PHF24: variants seen among roughly 807,000 people sequenced by gnomAD.
The protein encoded by PHF24 is Galpha inhibitory interacting protein.
In PHF24, 25 loss-of-function variants were observed where a neutral mutation model predicts 42.6. The ratio of observed to expected loss-of-function variants is 0.59; its 90% CI spans 0.43 to 0.82. The LOEUF is 0.82. PHF24 is among the 40% of genes least tolerant of loss of function. PHF24 has a pLI of 0.00. For missense variants in PHF24, 470 were observed against 538.1 expected, an observed-to-expected ratio of 0.87 and a Z score of 1.25; for synonymous variants, 185 against 204.8, an observed-to-expected ratio of 0.90 and a Z score of 0.83.
At chr9:34,845,739 TCCCTCCC>T in the PHF24 span, among the ~76,000 whole-genome samples, 1 of 105,278 alleles carries the variant, frequency 9.5e-6, no homozygotes, top group Non-Finnish European at 1.9e-5. Context: ...CCTAAAGCGA[TCCCTCCC>T]CCCTCCCCCC....
the PHF24 span, among the ~76,000 whole-genome samples, chr9:34,773,052 G>A: frequency 0.51 from 76,455 of 150,510 alleles, 21,708 homozygotes; most frequent in Non-Finnish European, 0.64. Context: ...GTGCAACGGC[G>A]CGATCTCGGC....
At chr9:34,713,471 G>C in the PHF24 span, among the ~76,000 whole-genome samples, 7 of 151,988 alleles carry the variant, frequency 4.6e-5, no homozygotes, top group African/African-American at 1.7e-4. Context: ...TCTTCTGAAA[G>C]ACCAGCAACC....
chr9:34,976,709 C>A, exon 5 of PHF24: 1 of 1,613,936 alleles, frequency 6.2e-7, no homozygotes, highest in Non-Finnish European at 8.5e-7. Flanking sequence ...TCCCATGAGT[C>A]CCTCCTGCTT....
At chr9:34,832,427 G>A in the PHF24 span, 48 of 1,350,942 alleles carry the variant, frequency 3.6e-5, no homozygotes, top group Non-Finnish European at 4.7e-5. Flanking sequence ...CTAGGGACTG[G>A]GGACCATCCA....
the PHF24 span, among the ~76,000 whole-genome samples, chr9:34,820,368 G>A: frequency 2.0e-5 from 3 of 151,784 alleles, no homozygotes; most frequent in African/African-American, 7.3e-5. Flanking sequence ...GTAGTTTTTC[G>A]ATCCTCACCC....
At chr9:34,845,490 C>A in the PHF24 span, among the ~76,000 whole-genome samples, 2 of 151,882 alleles carry the variant, frequency 1.3e-5, no homozygotes, top group Non-Finnish European at 2.9e-5. Context: ...TTTTGTGTAT[C>A]TAGTCTAGTT....
At chr9:34,742,261 T>C in the PHF24 span, among the ~76,000 whole-genome samples, 1 of 152,204 alleles carries the variant, frequency 6.6e-6, no homozygotes, top group Non-Finnish European at 1.5e-5. Flanking sequence ...GGAAAATAAG[T>C]AGATTAAAGT....
chr9:34,909,652 C>T, the PHF24 span, among the ~76,000 whole-genome samples: 12 of 150,072 alleles, frequency 8.0e-5, no homozygotes, highest in Admixed American at 1.3e-4. Context: ...GACGGAGTCT[C>T]GCTCTGTCGC....
chr9:34,897,590 A>G, the PHF24 span, among the ~76,000 whole-genome samples: 1 of 152,236 alleles, frequency 6.6e-6, no homozygotes, highest in Non-Finnish European at 1.5e-5. Context: ...TCATTAGCAC[A>G]AGGGTTTCTT....
At chr9:34,974,495 C>G (rs1290913070) in intron 3 of PHF24, among the ~76,000 whole-genome samples, 1 of 152,174 alleles carries the variant, frequency 6.6e-6, no homozygotes, top group African/African-American at 2.4e-5. Context: ...AACATTACCT[C>G]CCACATTCTG....
the PHF24 span, among the ~76,000 whole-genome samples, chr9:34,703,415 C>G: frequency 2.0e-5 from 3 of 152,144 alleles, no homozygotes; most frequent in Non-Finnish European, 4.4e-5. Context: ...GTGATCCACC[C>G]GCCTCGGCCT....
intron 1 of PHF24, among the ~76,000 whole-genome samples, chr9:34,970,178 T>G (rs1346848274): frequency 6.6e-6 from 1 of 152,204 alleles, no homozygotes; most frequent in Admixed American, 6.5e-5. Flanking sequence ...TGACTTCCAC[T>G]AAGTCTCCTC....
At chr9:34,784,914 A>T in the PHF24 span, among the ~76,000 whole-genome samples, 31 of 152,332 alleles carry the variant, frequency 2.0e-4, no homozygotes, top group African/African-American at 7.0e-4. Context: ...TAGCTAAAAT[A>T]TTTCAGCTGT....
chr9:34,690,526 C>G, the PHF24 span, among the ~76,000 whole-genome samples: 2 of 151,416 alleles, frequency 1.3e-5, no homozygotes, highest in African/African-American at 4.9e-5. Flanking sequence ...ACCAATATGG[C>G]TCTGGCTCTA....
chr9:34,709,299 G>T, the PHF24 span: 1 of 1,457,840 alleles, frequency 6.9e-7, no homozygotes, highest in Non-Finnish European at 9.4e-7. Flanking sequence ...CTGCTCCAGG[G>T]CCCCTGAGCA....
At chr9:34,802,594 A>G in the PHF24 span, among the ~76,000 whole-genome samples, 1 of 152,222 alleles carries the variant, frequency 6.6e-6, no homozygotes, top group Non-Finnish European at 1.5e-5. Context: ...GATATTTATA[A>G]ATCTGCAACC....
intron 6 of PHF24, 82 bp downstream of exon 6, chr9:34,977,325 C>A: frequency 6.8e-7 from 1 of 1,475,972 alleles, no homozygotes; most frequent in Non-Finnish European, 9.2e-7. Flanking sequence ...TACCTCCCTG[C>A]TCCCCCTGCC....
the PHF24 span, among the ~76,000 whole-genome samples, chr9:34,805,052 T>G: frequency 1.3e-5 from 2 of 152,268 alleles, no homozygotes; most frequent in Non-Finnish European, 2.9e-5. Context: ...TTCTTTTTAA[T>G]GGCTGAATAA....
chr9:34,831,762 T>C, the PHF24 span, among the ~76,000 whole-genome samples: 3 of 152,138 alleles, frequency 2.0e-5, no homozygotes, highest in African/African-American at 4.8e-5. Context: ...TCTACTGTCA[T>C]CTCATTCCAG....
Sources: gnomAD v4.1 joint callset for allele counts (sites outside exome capture counted in the v4.1 genomes callset) on GRCh38, gnomAD v4.1.1 for gene constraint, MANE v1.5 for transcripts, NCBI Gene and HGNC (gene_info 2026-07-23, HGNC 2026-07-21) for gene names.